Variants in CEMIP observed in about 807,000 individuals in gnomAD.
CEMIP encodes cell migration-inducing and hyaluronan-binding protein.
In CEMIP, 105 loss-of-function variants were observed where a neutral mutation model predicts 156.9. The observed-to-expected ratio is 0.67, with a 90% CI of 0.57 to 0.79. The LOEUF (loss-of-function observed/expected upper bound fraction) is 0.79, where lower values mean the gene tolerates loss of function less well. Ranked by LOEUF, CEMIP falls within the 30% of genes least tolerant of loss-of-function variation. The pLI, the probability that CEMIP is intolerant of heterozygous loss-of-function variation, is 0.00. For missense variants in CEMIP, 1,457 were observed against 1,769.4 expected (o/e 0.82, Z 3.17); for synonymous variants, 676 against 668.4 (o/e 1.01, Z -0.17).
chr15:80,835,841 A>T (rs2141690485), intron 1 of CEMIP, among the ~76,000 whole-genome samples: 1 of 152,312 alleles, frequency 6.6e-6, no homozygotes, highest in South Asian at 2.1e-4. Flanking sequence ...GACAGTCTGG[A>T]CAGATTACAG....
chr15:80,796,457 C>T (rs1161137074), intron 1 of CEMIP, among the ~76,000 whole-genome samples: 2 of 152,090 alleles, frequency 1.3e-5, no homozygotes, highest in South Asian at 4.1e-4. Flanking sequence ...AAGATGTATT[C>T]GAAAGGAGAC....
intron 18 of CEMIP, 114 bp downstream of exon 18, chr15:80,924,820 G>A: frequency 3.1e-6 from 3 of 966,926 alleles, no homozygotes; most frequent in Non-Finnish European, 4.9e-6. Context: ...CTTGCTTTGT[G>A]CTGGGCTTTG....
intron 7 of CEMIP, 90 bp from the exon 8 acceptor site, chr15:80,887,604 C>T: frequency 3.1e-6 from 3 of 957,338 alleles, no homozygotes; most frequent in Non-Finnish European, 4.9e-6. Context: ...TCACCTGACG[C>T]TGCTTCAACT....
chr15:80,802,569 T>C (rs1896405245), intron 1 of CEMIP, among the ~76,000 whole-genome samples: 1 of 152,184 alleles, frequency 6.6e-6, no homozygotes, highest in Non-Finnish European at 1.5e-5. Flanking sequence ...ATAATGACCA[T>C]GGGGCGTGGG....
At chr15:80,918,144 G>A (rs1274187620) in intron 14 of CEMIP, among the ~76,000 whole-genome samples, 2 of 152,150 alleles carry the variant, frequency 1.3e-5, no homozygotes, top group African/African-American at 4.8e-5. Flanking sequence ...TCGTGGTGGT[G>A]CAAACTTGTA....
At position 80,888,100 on chromosome 15, in the gene CEMIP, C is replaced by T. The variant is rs1006474070; in HGVS notation, c.868+336C>T. ...AAACGAGGCTGGGTGTGGTGGCTCA[C>T]GCTTGTAATCCCAGCATTTTGGGAG... On this transcript the variant is annotated intron_variant, in intron 8 of 29. Transcript: ENST00000394685. Among the ~76,000 whole-genome samples the T allele has an allele frequency of 5.3e-5, 8 of 152,128 alleles. No homozygotes were observed. The South Asian group carries it at 6.2e-4, about 12-fold the overall frequency.
At chr15:80,933,163 C>A in intron 22 of CEMIP, 82 bp from the exon 23 acceptor site, 2 of 1,260,638 alleles carry the variant, frequency 1.6e-6, no homozygotes, top group Non-Finnish European at 2.3e-6. Flanking sequence ...CAGTGGAAAT[C>A]GGAAACCTCG....
chr15:80,839,101 G>A (rs912610814), intron 1 of CEMIP, among the ~76,000 whole-genome samples: 8 of 152,164 alleles, frequency 5.3e-5, no homozygotes, highest in Non-Finnish European at 1.0e-4. Flanking sequence ...TGAGGTGTTC[G>A]GGGTAGCAGG....
chr15:80,878,207 T>C (rs2141821364), intron 3 of CEMIP, among the ~76,000 whole-genome samples: 1 of 152,330 alleles, frequency 6.6e-6, no homozygotes. Flanking sequence ...CAATCAGGGG[T>C]CACTTTGTTA....
At chr15:80,912,974 G>A (rs1025813137) in intron 14 of CEMIP, among the ~76,000 whole-genome samples, 6 of 152,112 alleles carry the variant, frequency 3.9e-5, no homozygotes, top group Non-Finnish European at 8.8e-5. Context: ...CAGCATCCCT[G>A]ATCTGAAGGA....
rs1191160576 is a variant in CEMIP, at chr15:80,874,913, T to C, written c.94+940T>C. On this transcript the variant is annotated intron_variant, in intron 3 of 29. Transcript: ENST00000394685. ...AGAATCTTACATTGAATTTATATTTTGTTTTTCTCAACCCATTGATAGAAG... is the reference window on the plus strand; with the variant it reads ...AGAATCTTACATTGAATTTATATTTCGTTTTTCTCAACCCATTGATAGAAG... 2.0e-5 allele frequency among the ~76,000 whole-genome samples: 3 copies of C among 152,342 alleles called. No individual in the cohort carries two copies. The East Asian group carries it at 5.8e-4, about 29-fold the overall frequency.
chr15:80,921,592 T>G (rs961928243), intron 16 of CEMIP, among the ~76,000 whole-genome samples: 2 of 152,182 alleles, frequency 1.3e-5, no homozygotes, highest in African/African-American at 2.4e-5. Flanking sequence ...CACACAGCCC[T>G]GCTCTCACCC....
intron 1 of CEMIP, among the ~76,000 whole-genome samples, chr15:80,794,314 C>T (rs1240885835): frequency 6.6e-6 from 1 of 152,166 alleles, no homozygotes. Flanking sequence ...TTGTCTGACT[C>T]ATTCACTCAT....
intron 7 of CEMIP, among the ~76,000 whole-genome samples, chr15:80,885,608 A>G (rs1898806855): frequency 6.6e-6 from 1 of 152,206 alleles, no homozygotes; most frequent in African/African-American, 2.4e-5. Flanking sequence ...AAGATCTGGC[A>G]TCCAGTGGCC....
intron 1 of CEMIP, among the ~76,000 whole-genome samples, chr15:80,791,485 G>C (rs1160294551): frequency 6.6e-6 from 1 of 152,210 alleles, no homozygotes; most frequent in Non-Finnish European, 1.5e-5. Flanking sequence ...GAAGGTGATA[G>C]AGAGAAGATT....
chr15:80,823,948 G>C (rs1896967748), intron 1 of CEMIP, among the ~76,000 whole-genome samples: 1 of 152,124 alleles, frequency 6.6e-6, no homozygotes, highest in Non-Finnish European at 1.5e-5. Context: ...GGTAAAGCTG[G>C]GATTTAACCC....
At chr15:80,806,808 C>T (rs921836230) in intron 1 of CEMIP, among the ~76,000 whole-genome samples, 1 of 152,196 alleles carries the variant, frequency 6.6e-6, no homozygotes, top group African/African-American at 2.4e-5. Flanking sequence ...TTCAAATGAC[C>T]TCCGTCTATT....
In CEMIP at chr15:80,807,206, G is replaced by A. The variant is rs1048190505; in HGVS notation, c.-176+27592G>A. On this transcript the variant is annotated intron_variant, in intron 1 of 29. Transcript: ENST00000394685. ...AGGGGCATTTGAGGTTAAAGGAAGA[G>A]TAGAGACAAAGTATCTAGAGAGGAT... Among the ~76,000 whole-genome samples the A allele has an allele frequency of 4.6e-5, 7 of 151,600 alleles. No homozygotes were observed. The East Asian group carries it at 1.2e-3, about 25-fold the overall frequency.
intron 1 of CEMIP, among the ~76,000 whole-genome samples, chr15:80,819,139 A>G (rs1050072789): frequency 6.6e-6 from 1 of 152,244 alleles, no homozygotes; most frequent in Admixed American, 6.5e-5. Flanking sequence ...AGGCTGTTAA[A>G]TAACTCACCC....
Sources: gnomAD v4.1 joint callset for allele counts (sites outside exome capture counted in the v4.1 genomes callset) on GRCh38, gnomAD v4.1.1 for gene constraint, MANE v1.5 for transcripts, NCBI Gene and HGNC (gene_info 2026-07-23, HGNC 2026-07-21) for gene names.